SRSF4: variants seen among roughly 807,000 people sequenced by gnomAD.
SRSF4 encodes the protein serine and arginine rich splicing factor 4.
In SRSF4, 12 loss-of-function variants were observed where a neutral mutation model predicts 48.8. The ratio of observed to expected loss-of-function variants is 0.25; its 90% CI spans 0.16 to 0.40. The LOEUF (loss-of-function observed/expected upper bound fraction) is 0.40, where lower values mean the gene tolerates loss of function less well. Ranked by LOEUF, SRSF4 falls within the 10% of genes least tolerant of loss-of-function variation. The pLI is 1.00. For synonymous variants in SRSF4, 248 were observed against 232.5 expected (o/e 1.07, Z -0.61); for missense variants, 466 against 667.1 (o/e 0.70, Z 3.32).
chr1:29,164,013 G>A (rs975928236), intron 1 of SRSF4, among the ~76,000 whole-genome samples: 1 of 152,166 alleles, frequency 6.6e-6, no homozygotes, highest in African/African-American at 2.4e-5. Flanking sequence ...GTTAAAATTA[G>A]TGCTCCTTTG....
At chr1:29,172,642 C>T (rs1376260864) in intron 1 of SRSF4, 1 of 152,210 alleles carries the variant, frequency 6.6e-6, no homozygotes, top group Non-Finnish European at 1.5e-5. Context: ...ATCACACGGG[C>T]ATGCTCATAC....
Position 29,160,488 on chromosome 1 carries a change from C to T in SRSF4, c.137G>A (p.Arg46His), listed in dbSNP as rs1574194512. The T allele has an allele frequency of 1.9e-6, 3 of 1,612,630 alleles. No individual in the cohort carries two copies. The highest frequency in any genetic ancestry group is 1.3e-5 in the African/African-American group (1 of 74,940). The change falls in exon 2 of 6, where the codon CGT (arginine) becomes CAT (histidine). Residue 46 changes from arginine to histidine, a missense_variant. By Grantham distance (29) the Arg-to-His change is conservative. Transcript: ENST00000373795. ...GYGFVEFDDL[R>H]DADDAVYELN... ...TTCATAAACAGCATCATCTGCATCA[C>T]GCAGATCATCAAACTCCACAAAACC...
chr1:29,148,066 C>T lies in SRSF4; in HGVS notation c.*344G>A. The T allele has an allele frequency of 2.0e-6, 1 of 496,058 alleles. No homozygotes were observed. 30.7% of individuals were successfully genotyped at this position (496,058 alleles called of 1,614,324 possible). Reference sequence around the variant, plus strand: ...CAATTCAAGAGCAAAAATGGTTGAACTCACCATACCTACCTATGTGGTCAT... The same window carrying T: ...CAATTCAAGAGCAAAAATGGTTGAATTCACCATACCTACCTATGTGGTCAT... On this transcript the variant is annotated 3_prime_UTR_variant, in exon 6 of 6. Coordinates refer to ENST00000373795, the MANE Select transcript of SRSF4 (RefSeq NM_005626.5).
chr1:29,164,901 G>A (rs936834606), intron 1 of SRSF4, among the ~76,000 whole-genome samples: 2 of 152,088 alleles, frequency 1.3e-5, no homozygotes, highest in South Asian at 4.1e-4. Flanking sequence ...TTCTGAATCC[G>A]AAAATCCAAA....
rs373939501 is a variant in SRSF4, at chr1:29,149,215, C to T, written c.680G>A (p.Arg227His). ...KSRSRSRSGS[R>H]SRSKSRSRSQ... ...CCGGCTCCGGCTCTTGCTCCGGGAG[C>T]GGGAGCCCGACCTGAGGAGACATGG... Residue 227 changes from arginine (R) to histidine (H), a missense_variant, in exon 6 of 6, where the codon CGC (arginine) becomes CAC (histidine). Physicochemically the swap from Arg to His is conservative, Grantham distance 29 (BLOSUM62 0). This residue lies in a region of SRSF4 where 402 missense variants were observed against 437.0 expected (regional missense o/e 0.92). Coordinates refer to ENST00000373795, the MANE Select transcript of SRSF4 (RefSeq NM_005626.5). 38 of 1,606,936 alleles carry T rather than the reference C, an allele frequency of 2.4e-5. No individual in the cohort carries two copies. Among genetic ancestry groups the T allele is most frequent in the Admixed American group, 2.0e-4 (12 of 59,872 alleles).
intron 1 of SRSF4, among the ~76,000 whole-genome samples, chr1:29,162,459 T>TA (rs1672613090): frequency 6.6e-6 from 1 of 152,154 alleles, no homozygotes; most frequent in Non-Finnish European, 1.5e-5. Context: ...TTAAGGCAAA[T>TA]AAAAAACCAA....
At chr1:29,172,898 G>T (rs902685043) in intron 1 of SRSF4, 1 of 151,860 alleles carries the variant, frequency 6.6e-6, no homozygotes, top group Non-Finnish European at 1.5e-5. Context: ...GGAATGGTTG[G>T]GTAAGTCATA....
chr1:29,157,305 C>T (rs1672515526), intron 3 of SRSF4, among the ~76,000 whole-genome samples: 1 of 152,150 alleles, frequency 6.6e-6, no homozygotes, highest in African/African-American at 2.4e-5. Context: ...TTTCCCCCAA[C>T]AGTAACTAAG....
Position 29,148,589 on chromosome 1 carries a change from T to C in SRSF4, c.1306A>G (p.Thr436Ala). ...EGRGESENAG[T>A]NQETRSRSRS... ...GACCTGGACCGGGTCTCCTGATTGGTGCCAGCATTCTCACTCTCTCCTCGA... is the reference window on the plus strand; with the variant it reads ...GACCTGGACCGGGTCTCCTGATTGGCGCCAGCATTCTCACTCTCTCCTCGA... Residue 436 changes from threonine to alanine, a missense_variant, in exon 6 of 6, where the codon ACC becomes GCC. By Grantham distance (58) the Thr-to-Ala change is moderately conservative. Around this residue, in one of 2 missense-constraint regions of SRSF4, gnomAD observed 402 missense variants for 437.0 expected, o/e 0.92. Coordinates refer to ENST00000373795, the MANE Select transcript of SRSF4 (RefSeq NM_005626.5). 1 of 1,614,074 alleles carries C rather than the reference T, an allele frequency of 6.2e-7. No individual in the cohort carries two copies. Among genetic ancestry groups the C allele is most frequent in the Non-Finnish European group, 8.5e-7 (1 of 1,179,980 alleles).
chr1:29,160,550 C>T lies in SRSF4; in HGVS notation c.108-33G>A, dbSNP rs757308120. 12 of 1,566,080 alleles carry T rather than the reference C, an allele frequency of 7.7e-6. No homozygotes were observed. In the South Asian group the frequency reaches 1.4e-4, roughly 18 times the overall value. On this transcript the variant is annotated intron_variant, in intron 1 of 5. Transcript: ENST00000373795. ...AGAGCAAAGAAAATACTGGTTGGTA[C>T]CATTTTGACATCCAGCTTCACTAAC...
intron 1 of SRSF4, 114 bp downstream of exon 1, chr1:29,181,532 G>A (rs2151831171): frequency 3.2e-6 from 3 of 924,452 alleles, no homozygotes; most frequent in East Asian, 3.1e-5. Flanking sequence ...GCGGAGCCTG[G>A]CCAGGCCGGT....
chr1:29,150,896 C>T (rs1672398907), intron 4 of SRSF4, among the ~76,000 whole-genome samples: 1 of 152,192 alleles, frequency 6.6e-6, no homozygotes, highest in South Asian at 2.1e-4. Flanking sequence ...GGGCAAGCCA[C>T]CATTATCTCT....
At chr1:29,157,047 C>T (rs925384945) in intron 3 of SRSF4, among the ~76,000 whole-genome samples, 1 of 152,214 alleles carries the variant, frequency 6.6e-6, no homozygotes, top group Non-Finnish European at 1.5e-5. Flanking sequence ...ATATCTTTAA[C>T]TTATCGGAGA....
chr1:29,148,335 T>C lies in SRSF4; in HGVS notation c.*75A>G. ...AATGTACAGCAGTGACATGTTCTAC[T>C]CCAATCACTTGTGCTACGGCTACCA... is the stretch of plus-strand genomic sequence containing the variant. On this transcript the variant is annotated 3_prime_UTR_variant, in exon 6 of 6. Coordinates refer to ENST00000373795, the MANE Select transcript of SRSF4 (RefSeq NM_005626.5). 1 of 1,524,366 alleles carries C rather than the reference T, an allele frequency of 6.6e-7. No individual in the cohort carries two copies. Among genetic ancestry groups the C allele is most frequent in the Non-Finnish European group, 8.9e-7 (1 of 1,123,912 alleles). 94.4% of individuals were successfully genotyped at this position (1,524,366 alleles called of 1,614,324 possible).
At chr1:29,175,434 G>T (rs1324674925) in intron 1 of SRSF4, among the ~76,000 whole-genome samples, 1 of 150,858 alleles carries the variant, frequency 6.6e-6, no homozygotes, top group Non-Finnish European at 1.5e-5. Flanking sequence ...GGTGGCTCAC[G>T]CCTGTAATCC....
intron 1 of SRSF4, among the ~76,000 whole-genome samples, chr1:29,174,530 G>A (rs1425537990): frequency 6.6e-6 from 1 of 151,822 alleles, no homozygotes; most frequent in Non-Finnish European, 1.5e-5. Flanking sequence ...GGTTGTAGGA[G>A]AATACTTAAT....
At chr1:29,181,214 G>A (rs1672949969) in intron 1 of SRSF4, among the ~76,000 whole-genome samples, 5 of 152,346 alleles carry the variant, frequency 3.3e-5, no homozygotes. Flanking sequence ...TGATCCATGA[G>A]ACCGGGCAAG....
chr1:29,169,764 CA>C (rs948548544), intron 1 of SRSF4: 5 of 152,126 alleles, frequency 3.3e-5, no homozygotes, highest in Non-Finnish European at 5.9e-5. Flanking sequence ...GATAACAGCC[CA>C]TCTCTAACAG....
At chr1:29,164,983 T>C (rs75805618) in intron 1 of SRSF4, among the ~76,000 whole-genome samples, 2 of 152,236 alleles carry the variant, frequency 1.3e-5, no homozygotes, top group Admixed American at 6.5e-5. Context: ...TCAGAACATT[T>C]TGGATTTTGT....
Sources: gnomAD v4.1 joint callset for allele counts (sites outside exome capture counted in the v4.1 genomes callset) on GRCh38, gnomAD v4.1.1 for gene constraint, gnomAD v4.1.1 regional missense constraint, MANE v1.5 for transcripts, NCBI Gene and HGNC (gene_info 2026-07-23, HGNC 2026-07-21) for gene names.